EHHADH: variants seen among roughly 807,000 people sequenced by gnomAD.
EHHADH encodes peroxisomal bifunctional enzyme.
A neutral mutation model predicts 64.4 loss-of-function variants in EHHADH; 48 were observed. That is an observed-to-expected ratio of 0.75 (90% CI 0.59 to 0.95). The LOEUF (loss-of-function observed/expected upper bound fraction) is 0.95. Among genes scored for constraint, EHHADH ranks in the 40% least tolerant of loss-of-function variants. The probability of loss-of-function intolerance (pLI) is 0.00; values close to 1 mark genes in which losing one functional copy is unlikely to be tolerated. For missense variants in EHHADH, 854 were observed against 876.6 expected, an observed-to-expected ratio of 0.97 and a Z score of 0.33; for synonymous variants, 308 against 326.7, an observed-to-expected ratio of 0.94 and a Z score of 0.62.
intron 4 of EHHADH, among the ~76,000 whole-genome samples, chr3:185,227,995 AC>A (rs1719034556): frequency 6.6e-6 from 1 of 151,558 alleles, no homozygotes; most frequent in Non-Finnish European, 1.5e-5. Context: ...AAAATAAGGC[AC>A]AAAAAAGTAA....
intron 6 of EHHADH, among the ~76,000 whole-genome samples, chr3:185,195,714 T>C (rs1254692376): frequency 6.6e-6 from 1 of 152,064 alleles, no homozygotes; most frequent in Non-Finnish European, 1.5e-5. Context: ...CTTATAAGTG[T>C]GAGCTGAACA....
chr3:185,192,190 G>A lies in EHHADH; in HGVS notation c.*36C>T. On this transcript the variant is annotated 3_prime_UTR_variant, in exon 7 of 7. Transcript: ENST00000231887. ...CACTGAAATTCAGTCAGCATTACCT[G>A]ATGCTAGCATGTGAGGCATAATCTG... is the stretch of plus-strand genomic sequence containing the variant. The A allele has an allele frequency of 1.3e-6, 2 of 1,574,178 alleles. No homozygotes were observed. Among genetic ancestry groups the A allele is most frequent in the Non-Finnish European group, 1.7e-6 (2 of 1,159,738 alleles).
chr3:185,240,025 T>C (rs1248659358), intron 2 of EHHADH, among the ~76,000 whole-genome samples: 1 of 152,158 alleles, frequency 6.6e-6, no homozygotes. Flanking sequence ...TCTGCATCTA[T>C]TGAGGTGATC....
At chr3:185,230,440 G>A (rs1719121033) in intron 3 of EHHADH, among the ~76,000 whole-genome samples, 1 of 152,104 alleles carries the variant, frequency 6.6e-6, no homozygotes, top group African/African-American at 2.4e-5. Flanking sequence ...AATGATTAGT[G>A]GATAAATGAA....
chr3:185,217,517 G>A (rs1718713562), intron 5 of EHHADH, among the ~76,000 whole-genome samples: 1 of 133,610 alleles, frequency 7.5e-6, no homozygotes, highest in South Asian at 2.4e-4. Context: ...CTGCACTCCA[G>A]CCTGGGCAAC....
intron 2 of EHHADH, among the ~76,000 whole-genome samples, chr3:185,236,964 T>C (rs1719312256): frequency 6.6e-6 from 1 of 152,200 alleles, no homozygotes; most frequent in Non-Finnish European, 1.5e-5. Context: ...GGTAAGGAAG[T>C]TAATGCTTTG....
chr3:185,200,606 G>A (rs1423414377), intron 6 of EHHADH, among the ~76,000 whole-genome samples: 1 of 152,190 alleles, frequency 6.6e-6, no homozygotes, highest in African/African-American at 2.4e-5. Context: ...ATAGACAGGG[G>A]CAAGGAGTCC....
chr3:185,204,113 A>G (rs1054067084), intron 6 of EHHADH, among the ~76,000 whole-genome samples: 5 of 142,248 alleles, frequency 3.5e-5, no homozygotes, highest in Admixed American at 1.5e-4. Flanking sequence ...TGCCTGGGTG[A>G]CAGAACAAGA....
intron 3 of EHHADH, among the ~76,000 whole-genome samples, 188 bp downstream of exon 3, chr3:185,235,102 C>T (rs1719250773): frequency 6.6e-6 from 1 of 152,128 alleles, no homozygotes; most frequent in Non-Finnish European, 1.5e-5. Context: ...ATTGCTTGAA[C>T]TCGGGAGGTG....
intron 6 of EHHADH, among the ~76,000 whole-genome samples, chr3:185,204,132 CAAAAAAA>C (rs1220063126): frequency 4.3e-4 from 13 of 30,520 alleles, no homozygotes; most frequent in South Asian, 1.4e-3. Flanking sequence ...GACTCTGTCT[CAAAAAAA>C]AAAAAAAAAA....
rs1717850436 is a variant in EHHADH, at chr3:185,191,063, G to C, written c.*1163C>G. On this transcript the variant is annotated 3_prime_UTR_variant, in exon 7 of 7. Coordinates refer to ENST00000231887, the MANE Select transcript of EHHADH (RefSeq NM_001966.4). ...CCATAAAGAAATCCTGTACCCATTA[G>C]ATGAATCCTGTACTCCCCATTCATC... The C allele has an allele frequency of 6.6e-6, 1 of 152,134 alleles. No individual in the cohort carries two copies. The highest frequency in any genetic ancestry group is 1.5e-5 in the Non-Finnish European group (1 of 68,048). 9.4% of individuals were successfully genotyped at this position (152,134 alleles called of 1,614,324 possible).
In EHHADH at chr3:185,191,737, T is replaced by G. The variant is rs1309290571; in HGVS notation, c.*489A>C. 6.3e-6 allele frequency: 1 copy of G among 157,572 alleles called. No individual in the cohort carries two copies. The highest frequency in any genetic ancestry group is 1.4e-5 in the Non-Finnish European group (1 of 71,506). 9.8% of individuals were successfully genotyped at this position (157,572 alleles called of 1,614,324 possible). A position where few individuals can be genotyped will look rare whatever the true frequency, so the allele number is the denominator to read the frequency against. On this transcript the variant is annotated 3_prime_UTR_variant, in exon 7 of 7. Transcript: ENST00000231887. ...GCTTGCCACACTAACCTAAGTTCCC[T>G]GTGCTGGTTTGAAGTACTCAGTTCC...
chr3:185,212,486 A>G (rs1024604968), intron 5 of EHHADH, among the ~76,000 whole-genome samples: 4 of 152,204 alleles, frequency 2.6e-5, no homozygotes, highest in African/African-American at 9.7e-5. Context: ...TGGAACCTTG[A>G]CCATTGGAAA....
At chr3:185,211,068 A>G (rs551356762) in intron 5 of EHHADH, among the ~76,000 whole-genome samples, 2 of 152,270 alleles carry the variant, frequency 1.3e-5, no homozygotes, top group South Asian at 4.2e-4. Flanking sequence ...TCCCTGCTCA[A>G]TTTCCTATCT....
chr3:185,213,798 T>G (rs1182228433), intron 5 of EHHADH, among the ~76,000 whole-genome samples: 1 of 149,810 alleles, frequency 6.7e-6, no homozygotes, highest in Non-Finnish European at 1.5e-5. Context: ...GAGAATCAAT[T>G]GAACCTGAGA....
chr3:185,245,573 A>G, intron 2 of EHHADH: 1 of 804,358 alleles, frequency 1.2e-6, no homozygotes. Flanking sequence ...AGGAAATAAG[A>G]GTTGCATGTC....
At chr3:185,212,051 TAG>T (rs141418617) in intron 5 of EHHADH, among the ~76,000 whole-genome samples, 3 of 150,764 alleles carry the variant, frequency 2.0e-5, no homozygotes, top group African/African-American at 2.4e-5. Flanking sequence ...CTGGGGAAGG[TAG>T]AGAGAGAGAG....
At chr3:185,214,545 T>G (rs1718633504) in intron 5 of EHHADH, among the ~76,000 whole-genome samples, 1 of 152,152 alleles carries the variant, frequency 6.6e-6, no homozygotes. Context: ...AAGATAAATT[T>G]TTTTTCAAAT....
intron 2 of EHHADH, chr3:185,246,051 A>C: frequency 2.3e-6 from 3 of 1,286,068 alleles, no homozygotes; most frequent in Non-Finnish European, 3.4e-6. Flanking sequence ...TCATCTGGGA[A>C]CTTGACATTC....
Sources: gnomAD v4.1 joint callset for allele counts (sites outside exome capture counted in the v4.1 genomes callset) on GRCh38, gnomAD v4.1.1 for gene constraint, MANE v1.5 for transcripts, NCBI Gene and HGNC (gene_info 2026-07-23, HGNC 2026-07-21) for gene names.